DIS3L2: variants seen among roughly 807,000 people sequenced by gnomAD.
The protein encoded by DIS3L2 is DIS3-like exonuclease 2.
DIS3L2 carries 34 observed loss-of-function variants against 97.5 expected under a neutral mutation model. That is an observed-to-expected ratio of 0.35 (90% CI 0.27 to 0.46). The LOEUF (loss-of-function observed/expected upper bound fraction) is 0.46, where lower values mean the gene tolerates loss of function less well. Ranked by LOEUF, DIS3L2 falls within the 20% of genes least tolerant of loss-of-function variation. The probability of loss-of-function intolerance (pLI) is 1.00; values close to 1 mark genes in which losing one functional copy is unlikely to be tolerated. For synonymous variants in DIS3L2, 435 were observed against 445.2 expected (o/e 0.98, Z 0.29); for missense variants, 1,038 against 1,146.0 (o/e 0.91, Z 1.36).
At chr2:232,115,368 T>C (rs1021553731) in intron 6 of DIS3L2, among the ~76,000 whole-genome samples, 1 of 152,206 alleles carries the variant, frequency 6.6e-6, no homozygotes, top group Non-Finnish European at 1.5e-5. Context: ...CAGCCGCTTT[T>C]GCATTCAATC....
Position 232,238,546 on chromosome 2 carries a change from G to T in DIS3L2, c.1218G>T (p.Val406=). 1 of 1,614,064 alleles carries T rather than the reference G, an allele frequency of 6.2e-7. No individual in the cohort carries two copies. Among genetic ancestry groups the T allele is most frequent in the South Asian group, 1.1e-5 (1 of 91,042 alleles). The stretch of plus-strand genomic sequence containing the variant: ...GTGCATTTACAGGCAACTTCAAAGT[G>T]GGAGTTCACATTGCTGACGTGAGTT... ...CKPLADGNFK[V]GVHIADVSYF... Residue 406 remains valine (V), a synonymous_variant, in exon 11 of 21, where the codon GTG becomes GTT. Coordinates refer to ENST00000325385, the MANE Select transcript of DIS3L2 (RefSeq NM_152383.5).
At chr2:232,198,144 T>C (rs950543335) in intron 9 of DIS3L2, among the ~76,000 whole-genome samples, 7 of 152,086 alleles carry the variant, frequency 4.6e-5, no homozygotes, top group Non-Finnish European at 1.0e-4. Flanking sequence ...ACTTAATCCG[T>C]CTGGGCCTCA....
chr2:232,100,342 T>C (rs1382332267), intron 6 of DIS3L2, among the ~76,000 whole-genome samples: 2 of 152,038 alleles, frequency 1.3e-5, no homozygotes, highest in Admixed American at 6.5e-5. Context: ...TGGCCTTTTT[T>C]TTCCTCTATT....
intron 13 of DIS3L2, among the ~76,000 whole-genome samples, chr2:232,265,110 G>A (rs560061514): frequency 5.9e-5 from 9 of 152,286 alleles, no homozygotes; most frequent in African/African-American, 2.2e-4. Context: ...TTTACAGGTG[G>A]CTGCCTGATT....
At chr2:231,976,803 T>A (rs977506829) in intron 1 of DIS3L2, among the ~76,000 whole-genome samples, 4 of 146,628 alleles carry the variant, frequency 2.7e-5, no homozygotes, top group Non-Finnish European at 4.5e-5. Context: ...AGTCTCGCTC[T>A]GTTGCCCAGG....
intron 9 of DIS3L2, among the ~76,000 whole-genome samples, chr2:232,166,583 G>A (rs1432600365): frequency 6.6e-6 from 1 of 152,006 alleles, no homozygotes; most frequent in Non-Finnish European, 1.5e-5. Context: ...GGGCATAGTA[G>A]TACGCGCCTG....
chr2:232,134,508 A>C (rs532418009), intron 7 of DIS3L2, among the ~76,000 whole-genome samples: 1 of 152,098 alleles, frequency 6.6e-6, no homozygotes, highest in Admixed American at 6.6e-5. Flanking sequence ...CAGCTTGGGT[A>C]AGAGGACTTG....
chr2:232,071,575 C>T (rs1404396612), intron 5 of DIS3L2, among the ~76,000 whole-genome samples: 1 of 151,352 alleles, frequency 6.6e-6, no homozygotes, highest in Non-Finnish European at 1.5e-5. Flanking sequence ...GGATTTAACC[C>T]AAGACAGAGT....
intron 5 of DIS3L2, among the ~76,000 whole-genome samples, chr2:232,047,605 G>A (rs1322140553): frequency 6.6e-6 from 1 of 152,148 alleles, no homozygotes; most frequent in African/African-American, 2.4e-5. Context: ...ATAATTTAAA[G>A]TATACAGTTC....
At chr2:232,158,711 A>G (rs1574915357) in intron 8 of DIS3L2, among the ~76,000 whole-genome samples, 1 of 152,314 alleles carries the variant, frequency 6.6e-6, no homozygotes, top group Non-Finnish European at 1.5e-5. Flanking sequence ...CTTACAAACA[A>G]GAACCCAGAC....
intron 11 of DIS3L2, among the ~76,000 whole-genome samples, chr2:232,245,690 G>C (rs1222160384): frequency 6.8e-6 from 1 of 148,126 alleles, no homozygotes; most frequent in African/African-American, 2.4e-5. Context: ...TTAAAGTTCA[G>C]CTTTTTCATG....
intron 1 of DIS3L2, among the ~76,000 whole-genome samples, chr2:231,968,332 G>C (rs546753129): frequency 1.3e-5 from 2 of 152,142 alleles, no homozygotes; most frequent in African/African-American, 4.8e-5. Context: ...TCCTGACCTC[G>C]TGATCCGCCC....
At chr2:232,057,159 T>G (rs1303972374) in intron 5 of DIS3L2, among the ~76,000 whole-genome samples, 1 of 152,174 alleles carries the variant, frequency 6.6e-6, no homozygotes, top group Non-Finnish European at 1.5e-5. Flanking sequence ...ATGGTTCTAC[T>G]TATAAGCATA....
At chr2:232,134,366 C>T (rs1414291073) in intron 7 of DIS3L2, among the ~76,000 whole-genome samples, 1 of 152,130 alleles carries the variant, frequency 6.6e-6, no homozygotes, top group African/African-American at 2.4e-5. Flanking sequence ...TCCATCTGTA[C>T]AATTGTAATT....
rs1164170166 is a variant in DIS3L2, at chr2:232,333,156, CCTT to C, written c.2011-681_2011-679del. Among the ~76,000 whole-genome samples, 98 of 117,608 alleles carry C rather than the reference CCTT, an allele frequency of 8.3e-4. No homozygotes were observed. The Middle Eastern group carries it at 0.012, about 14-fold the overall frequency. The allele number at this position is 117,608 out of a possible 152,430, so 77.2% of individuals were successfully genotyped here. Reference sequence around the variant, plus strand: ...CCACCTCCTCCTTCCACCACCTCCTCCTTCTCCTCCTCCGCTGTCGCCTCCTCC... The same window carrying C: ...CCACCTCCTCCTTCCACCACCTCCTCCTCCTCCTCCGCTGTCGCCTCCTCC... On this transcript the variant is annotated intron_variant, in intron 16 of 20. Transcript: ENST00000325385.
chr2:232,073,016 C>T (rs1354490726), intron 5 of DIS3L2, among the ~76,000 whole-genome samples: 10 of 152,070 alleles, frequency 6.6e-5, no homozygotes, highest in Admixed American at 3.3e-4. Flanking sequence ...CCAACAAATA[C>T]GCCCTTGAAA....
chr2:232,024,655 C>A (rs559202615), intron 4 of DIS3L2, among the ~76,000 whole-genome samples: 1 of 152,050 alleles, frequency 6.6e-6, no homozygotes, highest in Non-Finnish European at 1.5e-5. Context: ...TTTTTTCCAC[C>A]GATTTAAGTT....
intron 1 of DIS3L2, among the ~76,000 whole-genome samples, chr2:232,006,367 A>G (rs1694053432): frequency 6.6e-6 from 1 of 152,234 alleles, no homozygotes; most frequent in African/African-American, 2.4e-5. Flanking sequence ...TTAAGTTGGA[A>G]ATGAAGGAAT....
At chr2:232,299,415 A>C (rs1322876324) in intron 13 of DIS3L2, among the ~76,000 whole-genome samples, 1 of 152,172 alleles carries the variant, frequency 6.6e-6, no homozygotes, top group African/African-American at 2.4e-5. Context: ...GGTCCTCCCC[A>C]GAGTCACCCA....
Sources: gnomAD v4.1 joint callset for allele counts (sites outside exome capture counted in the v4.1 genomes callset) on GRCh38, gnomAD v4.1.1 for gene constraint, MANE v1.5 for transcripts, NCBI Gene and HGNC (gene_info 2026-07-23, HGNC 2026-07-21) for gene names.